The following AMMECR1 variants were observed in gnomAD, a reference collection of about 807,000 sequenced individuals.
AMMECR1 encodes AMMECR nuclear protein 1.
AMMECR1 carries 3 observed loss-of-function variants against 22.5 expected under a neutral mutation model. The ratio of observed to expected loss-of-function variants is 0.13; its 90% CI spans 0.06 to 0.35. The LOEUF is 0.35. Among genes scored for constraint, AMMECR1 ranks in the 10% least tolerant of loss-of-function variants. The pLI, the probability that AMMECR1 is intolerant of heterozygous loss-of-function variation, is 1.00. For missense variants in AMMECR1, 235 were observed against 278.7 expected, an observed-to-expected ratio of 0.84 and a Z score of 1.12; for synonymous variants, 130 against 116.7, an observed-to-expected ratio of 1.11 and a Z score of -0.74.
At chrX:110,306,007 C>T (rs1429861958) in intron 1 of AMMECR1, among the ~76,000 whole-genome samples, 1 of 107,561 alleles carries the variant, frequency 9.3e-6, no homozygotes, top group African/African-American at 3.4e-5. Flanking sequence ...TTGGGCGAGG[C>T]GCGGTGGCTC....
intron 1 of AMMECR1, among the ~76,000 whole-genome samples, chrX:110,265,027 G>T (rs2067760630): frequency 9.0e-6 from 1 of 111,366 alleles, no homozygotes; most frequent in African/African-American, 3.3e-5. Flanking sequence ...TGACTTATTT[G>T]TAAGTCTAAT....
intron 2 of AMMECR1, among the ~76,000 whole-genome samples, chrX:110,341,098 CTTTGT>C (rs2068162343): frequency 8.9e-6 from 1 of 112,542 alleles, no homozygotes; most frequent in Non-Finnish European, 1.9e-5. Flanking sequence ...TTTTGTTTCA[CTTTGT>C]TTTAAGTCAC....
chrX:110,212,932 A>C, intron 3 of AMMECR1, among the ~76,000 whole-genome samples: 1 of 112,008 alleles, frequency 8.9e-6, no homozygotes, highest in South Asian at 3.7e-4. Flanking sequence ...AAGATAATGG[A>C]AAGAAATATT....
upstream of AMMECR1, among the ~76,000 whole-genome samples, chrX:110,320,289 G>A (rs1212946532): frequency 9.0e-6 from 1 of 111,647 alleles, no homozygotes. Flanking sequence ...GTTTTGTTTT[G>A]TACTTTGTCC....
At chrX:110,414,100 T>A (rs916922672) in intron 2 of AMMECR1, among the ~76,000 whole-genome samples, 64 of 111,826 alleles carry the variant, frequency 5.7e-4, no homozygotes, top group African/African-American at 2.0e-3. Context: ...TTCTGCTGCA[T>A]CCATGAGGCA....
chrX:110,435,310 C>G (rs945300859), intron 1 of AMMECR1, among the ~76,000 whole-genome samples: 1 of 111,694 alleles, frequency 9.0e-6, no homozygotes, highest in Non-Finnish European at 1.9e-5. Flanking sequence ...AATAAATTAA[C>G]AGCTGTGGGT....
intron 2 of AMMECR1, among the ~76,000 whole-genome samples, chrX:110,422,112 G>A (rs774563835): frequency 8.8e-6 from 1 of 113,000 alleles, no homozygotes; most frequent in African/African-American, 3.2e-5. Context: ...ACCCAGACTT[G>A]GCATAGTGCC....
intron 1 of AMMECR1, among the ~76,000 whole-genome samples, chrX:110,270,442 C>A (rs986356172): frequency 2.7e-5 from 3 of 111,424 alleles, no homozygotes. Flanking sequence ...GGCAAGTCCT[C>A]CAAATTTTCT....
chrX:110,298,396 T>C (rs2067948517), intron 1 of AMMECR1, among the ~76,000 whole-genome samples: 1 of 111,628 alleles, frequency 9.0e-6, no homozygotes, highest in South Asian at 3.7e-4. Flanking sequence ...ATTACCCTAA[T>C]ACTAGATTAG....
chrX:110,406,280 C>T (rs1443425447), intron 2 of AMMECR1, among the ~76,000 whole-genome samples: 1 of 106,935 alleles, frequency 9.4e-6, no homozygotes. Context: ...CCACAGGCCC[C>T]GGTGTGTGAT....
intron 2 of AMMECR1, among the ~76,000 whole-genome samples, chrX:110,252,724 T>C (rs1357553553): frequency 8.9e-6 from 1 of 112,581 alleles, no homozygotes; most frequent in Non-Finnish European, 1.9e-5. Context: ...CAACTAATAT[T>C]TTCTGAATGC....
At chrX:110,431,356 C>G (rs1325600156) in intron 1 of AMMECR1, among the ~76,000 whole-genome samples, 2 of 83,885 alleles carry the variant, frequency 2.4e-5, no homozygotes, top group Admixed American at 1.2e-4. Flanking sequence ...TGTGTGTGTG[C>G]TGGCTGAGGG....
intron 1 of AMMECR1, among the ~76,000 whole-genome samples, chrX:110,302,481 A>G (rs988450109): frequency 8.9e-5 from 10 of 112,257 alleles, no homozygotes; most frequent in Non-Finnish European, 1.9e-4. Flanking sequence ...TAAAAATTCT[A>G]TAATGAAGGT....
chrX:110,417,127 G>A (rs181897396), intron 2 of AMMECR1, among the ~76,000 whole-genome samples: 12 of 111,668 alleles, frequency 1.1e-4, no homozygotes, highest in Non-Finnish European at 2.1e-4. Context: ...CTTCCCTACC[G>A]CACTCATCCC....
rs945432667 is a variant in AMMECR1 at position 110,337,630 on chromosome X, C to T, written c.-147-19781G>A. On this transcript the variant is annotated intron_variant, in intron 2 of 7. Transcript: ENST00000372057. Reference sequence around the variant, plus strand: ...GTATACAGTTGGTGGGAATGTAAAACGGTTCAACCACTGTGGGAAACAGTA... The same window carrying T: ...GTATACAGTTGGTGGGAATGTAAAATGGTTCAACCACTGTGGGAAACAGTA... Among the ~76,000 whole-genome samples, 4 of 111,436 alleles carry T rather than the reference C, an allele frequency of 3.6e-5. No individual in the cohort carries two copies. In the East Asian group the frequency reaches 8.5e-4, roughly 24 times the overall value.
At chrX:110,401,310 TCC>T (rs1233498695) in intron 2 of AMMECR1, among the ~76,000 whole-genome samples, 2 of 111,033 alleles carry the variant, frequency 1.8e-5, no homozygotes, top group African/African-American at 6.6e-5. Flanking sequence ...GTCTTCAGAC[TCC>T]CAGTGTGTCT....
chrX:110,395,733 T>C lies in AMMECR1; in HGVS notation c.-148+30925A>G, dbSNP rs888361696. Among the ~76,000 whole-genome samples, 13 of 111,151 alleles carry C rather than the reference T, an allele frequency of 1.2e-4. No individual in the cohort carries two copies. In the Admixed American group the frequency reaches 1.2e-3, roughly 11 times the overall value. On this transcript the variant is annotated intron_variant, in intron 2 of 7. Transcript: ENST00000372057. ...GTGAGATGGCAATTTGCTTGTGACC[T>C]AAGGAGGCCCTGAAATCTCCTGGGA... is the stretch of plus-strand genomic sequence containing the variant.
intron 2 of AMMECR1, among the ~76,000 whole-genome samples, chrX:110,376,517 G>A (rs2068377834): frequency 8.9e-6 from 1 of 112,015 alleles, no homozygotes; most frequent in Non-Finnish European, 1.9e-5. Context: ...GGCTTCAGAT[G>A]AGAGAGAATT....
chrX:110,415,008 G>A lies in AMMECR1; in HGVS notation c.-148+11650C>T, dbSNP rs368157676. Among the ~76,000 whole-genome samples the A allele has an allele frequency of 1.7e-3, 195 of 111,515 alleles. 1 individual carries two copies. The highest frequency in any genetic ancestry group is 6.1e-3 in the African/African-American group (187 of 30,677). On this transcript the variant is annotated intron_variant, in intron 2 of 7. Coordinates refer to the AMMECR1 transcript ENST00000372057. ...CTCCCCATCCTCCACACCCTTTCCT[G>A]CCCACTTTAAATGCTCCTCTTCTGT... is the stretch of plus-strand genomic sequence containing the variant.
Sources: gnomAD v4.1 joint callset for allele counts (sites outside exome capture counted in the v4.1 genomes callset) on GRCh38, gnomAD v4.1.1 for gene constraint, MANE v1.5 for transcripts, NCBI Gene and HGNC (gene_info 2026-07-23, HGNC 2026-07-21) for gene names.